The following CSMD1 variants were observed in gnomAD, a reference collection of about 807,000 sequenced individuals.
The protein encoded by CSMD1 is CUB and Sushi multiple domains 1, also known as CUB and sushi domain-containing protein 1.
Under a neutral mutation model 417.5 loss-of-function variants are expected in CSMD1, and 213 were observed. The ratio of observed to expected loss-of-function variants is 0.51; its 90% CI spans 0.46 to 0.57. CSMD1 has a LOEUF of 0.57. Among genes scored for constraint, CSMD1 ranks in the 20% least tolerant of loss-of-function variants. The pLI is 0.00. For synonymous variants in CSMD1, 2,862 were observed against 1,736.8 expected (o/e 1.65, Z -16.11); for missense variants, 6,923 against 4,529.7 (o/e 1.53, Z -15.17).
At chr8:3,848,877 C>G (rs73658302) in intron 5 of CSMD1, among the ~76,000 whole-genome samples, 10 of 151,102 alleles carry the variant, frequency 6.6e-5, no homozygotes, top group Middle Eastern at 3.5e-3. Context: ...TCCAGAAATG[C>G]TAAAGAGTGA....
chr8:3,295,301 A>G (rs1226663424), intron 25 of CSMD1, among the ~76,000 whole-genome samples: 1 of 151,274 alleles, frequency 6.6e-6, no homozygotes, highest in African/African-American at 2.4e-5. Flanking sequence ...ATTTTTTTGT[A>G]TTTTTTAGTA....
chr8:4,224,763 G>C (rs985939593), intron 3 of CSMD1, among the ~76,000 whole-genome samples: 2 of 152,112 alleles, frequency 1.3e-5, no homozygotes, highest in African/African-American at 4.8e-5. Flanking sequence ...GTATTAACCT[G>C]TAGTACTCAA....
chr8:3,013,749 A>G (rs775675553), intron 52 of CSMD1, among the ~76,000 whole-genome samples: 14 of 108,758 alleles, frequency 1.3e-4, no homozygotes, highest in Admixed American at 5.2e-4. Context: ...TCCATCTCAG[A>G]AAAAAAAAAA....
At chr8:4,805,806 G>C (rs2117306860) in intron 1 of CSMD1, among the ~76,000 whole-genome samples, 1 of 152,220 alleles carries the variant, frequency 6.6e-6, no homozygotes, top group Middle Eastern at 3.4e-3. Flanking sequence ...GATGAAATGT[G>C]GTCCTGGAAC....
chr8:3,308,193 T>C, intron 24 of CSMD1, 119 bp downstream of exon 24: 1 of 771,748 alleles, frequency 1.3e-6, no homozygotes, highest in South Asian at 2.1e-5. Context: ...TACATAAAAC[T>C]CACACTGGAA....
At chr8:3,319,032 C>T (rs1234061046) in intron 23 of CSMD1, among the ~76,000 whole-genome samples, 1 of 152,170 alleles carries the variant, frequency 6.6e-6, no homozygotes, top group Non-Finnish European at 1.5e-5. Context: ...GGATCACTCC[C>T]TTACACAGAA....
chr8:4,231,897 T>C (rs544981871), intron 3 of CSMD1, among the ~76,000 whole-genome samples: 5 of 151,376 alleles, frequency 3.3e-5, no homozygotes, highest in South Asian at 2.1e-4. Flanking sequence ...TGTGTTTTAC[T>C]AAAATTTCTG....
chr8:4,320,574 G>A (rs1799216163), intron 3 of CSMD1, among the ~76,000 whole-genome samples: 1 of 150,902 alleles, frequency 6.6e-6, no homozygotes, highest in Admixed American at 6.6e-5. Context: ...TGTTCTCTTT[G>A]TTCAACTCCC....
At chr8:4,320,649 G>C (rs1408927377) in intron 3 of CSMD1, among the ~76,000 whole-genome samples, 2 of 152,036 alleles carry the variant, frequency 1.3e-5, no homozygotes, top group African/African-American at 4.8e-5. Context: ...GAGAATGATG[G>C]TTTACAGCTT....
At chr8:3,299,184 G>T (rs1254214006) in intron 25 of CSMD1, among the ~76,000 whole-genome samples, 5 of 152,226 alleles carry the variant, frequency 3.3e-5, no homozygotes, top group African/African-American at 2.4e-5. Flanking sequence ...AGGTATGGTG[G>T]CTCACGCCTG....
chr8:4,541,582 T>G lies in CSMD1; in HGVS notation c.302+95760A>C, dbSNP rs149151999. 8.5e-4 allele frequency among the ~76,000 whole-genome samples: 129 copies of G among 151,954 alleles called. 2 individuals carry two copies. In the East Asian group the frequency reaches 0.023, roughly 28 times the overall value. On this transcript the variant is annotated intron_variant, in intron 2 of 69. Transcript: ENST00000635120. ...GGCCACCATGGTAAAACCCTGTCTGTACTAAAAATGCAAAAATTAGCCGGG... is the reference window on the plus strand; with the variant it reads ...GGCCACCATGGTAAAACCCTGTCTGGACTAAAAATGCAAAAATTAGCCGGG...
At chr8:4,788,614 G>A in intron 1 of CSMD1, 36 of 931,416 alleles carry the variant, frequency 3.9e-5, no homozygotes, top group South Asian at 1.3e-4. Context: ...AATTTTTAGG[G>A]GAAAAACTAC....
intron 3 of CSMD1, among the ~76,000 whole-genome samples, chr8:4,128,666 T>C (rs927932385): frequency 3.3e-5 from 5 of 152,090 alleles, no homozygotes; most frequent in African/African-American, 9.7e-5. Context: ...TATGTCTTCT[T>C]TCTTTCATCC....
At chr8:3,762,506 T>G (rs1455860565) in intron 5 of CSMD1, among the ~76,000 whole-genome samples, 1 of 152,168 alleles carries the variant, frequency 6.6e-6, no homozygotes. Context: ...TAGGCTGAGG[T>G]AGGATGTTTA....
intron 1 of CSMD1, among the ~76,000 whole-genome samples, chr8:4,705,971 C>T (rs904329728): frequency 6.6e-6 from 1 of 151,670 alleles, no homozygotes. Flanking sequence ...TGGATAAATG[C>T]TTAGGATGAC....
chr8:4,266,002 A>C (rs192739767), intron 3 of CSMD1, among the ~76,000 whole-genome samples: 1 of 103,664 alleles, frequency 9.6e-6, no homozygotes, highest in African/African-American at 2.6e-5. Context: ...TGGGCTGTGT[A>C]AGTCATCCCA....
intron 1 of CSMD1, among the ~76,000 whole-genome samples, chr8:4,791,329 T>A (rs1264353763): frequency 6.6e-6 from 1 of 152,212 alleles, no homozygotes; most frequent in Non-Finnish European, 1.5e-5. Context: ...CTTCTTGGTG[T>A]GGACTTGTTT....
At chr8:3,341,969 T>C (rs944880307) in intron 23 of CSMD1, among the ~76,000 whole-genome samples, 4 of 152,200 alleles carry the variant, frequency 2.6e-5, no homozygotes, top group Non-Finnish European at 4.4e-5. Flanking sequence ...AAAATGGTTT[T>C]ACAAGAGCTC....
chr8:4,268,422 T>C (rs1017679961), intron 3 of CSMD1, among the ~76,000 whole-genome samples: 7 of 152,170 alleles, frequency 4.6e-5, no homozygotes, highest in African/African-American at 1.7e-4. Context: ...AGTGACCAAT[T>C]GTTGTTTATA....
Sources: gnomAD v4.1 joint callset for allele counts (sites outside exome capture counted in the v4.1 genomes callset) on GRCh38, gnomAD v4.1.1 for gene constraint, MANE v1.5 for transcripts, NCBI Gene and HGNC (gene_info 2026-07-23, HGNC 2026-07-21) for gene names.